Variants in CC2D2B observed in about 807,000 individuals in gnomAD.
The protein encoded by CC2D2B is coiled-coil and C2 domain containing 2B.
A neutral mutation model predicts 161.2 loss-of-function variants in CC2D2B; 128 were observed. That is an observed-to-expected ratio of 0.79 (90% CI 0.69 to 0.92). The LOEUF (loss-of-function observed/expected upper bound fraction) is 0.92. Among genes scored for constraint, CC2D2B ranks in the 40% least tolerant of loss-of-function variants. CC2D2B has a pLI of 0.00. For missense variants in CC2D2B, 1,173 were observed against 1,375.1 expected (o/e 0.85, Z 2.32); for synonymous variants, 391 against 449.8 (o/e 0.87, Z 1.65).
intron 24 of CC2D2B, among the ~76,000 whole-genome samples, chr10:96,002,298 C>T (rs1036190059): frequency 1.3e-5 from 2 of 151,996 alleles, no homozygotes; most frequent in African/African-American, 2.4e-5. Context: ...GATACAAGAC[C>T]CCAACTCCCC....
intron 2 of CC2D2B, among the ~76,000 whole-genome samples, chr10:95,913,058 C>T (rs1460895723): frequency 6.6e-6 from 1 of 151,966 alleles, no homozygotes; most frequent in Non-Finnish European, 1.5e-5. Context: ...AATACTAGAT[C>T]GTATTCATTG....
intron 26 of CC2D2B, among the ~76,000 whole-genome samples, chr10:96,011,872 T>A (rs1442238461): frequency 6.6e-6 from 1 of 152,162 alleles, no homozygotes; most frequent in African/African-American, 2.4e-5. Flanking sequence ...TCTTTTAACT[T>A]CTTCTCTGAG....
At position 95,974,054 on chromosome 10, in the gene CC2D2B, T is replaced by C. The variant is rs1297749664; in HGVS notation, c.1841T>C (p.Leu614Pro). ...LEGNGTEELCLLTSGKLSYSL... is the reference protein window; with the variant it reads ...LEGNGTEELCPLTSGKLSYSL... Reference sequence around the variant, plus strand: ...GGAAATGGAACTGAAGAACTCTGTCTTTTGACATCAGGAAAACTTAGCTAT... The same window carrying C: ...GGAAATGGAACTGAAGAACTCTGTCCTTTGACATCAGGAAAACTTAGCTAT... Residue 614 changes from leucine (L) to proline (P), a missense_variant, in exon 17 of 35, where the codon CTT (leucine) becomes CCT (proline). Transcript: ENST00000646931. 1.3e-5 allele frequency: 16 copies of C among 1,231,554 alleles called. No individual in the cohort carries two copies. The highest frequency in any genetic ancestry group is 1.6e-5 in the Non-Finnish European group (16 of 987,570). 76.3% of individuals were successfully genotyped at this position (1,231,554 alleles called of 1,614,324 possible).
chr10:96,027,320 A>G lies in CC2D2B; in HGVS notation c.4056A>G (p.Glu1352=). Reference sequence around the variant, plus strand: ...TGCGACAAATCCTTCCTAAGCTGGAATTTGGCATAGGAAGCTTTGTTTCAT... The same window carrying G: ...TGCGACAAATCCTTCCTAAGCTGGAGTTTGGCATAGGAAGCTTTGTTTCAT... ...FILRQILPKL[E]FGIGSFVSSE... is the part of the protein sequence containing the mutation. Residue 1352 remains glutamate, a synonymous_variant, in exon 34 of 35, where the codon GAA becomes GAG. Transcript: ENST00000646931. 1 of 1,551,214 alleles carries G rather than the reference A, an allele frequency of 6.4e-7. No individual in the cohort carries two copies. The highest frequency in any genetic ancestry group is 8.7e-7 in the Non-Finnish European group (1 of 1,146,718).
intron 9 of CC2D2B, among the ~76,000 whole-genome samples, chr10:95,939,439 A>G (rs1590457678): frequency 6.6e-6 from 1 of 152,076 alleles, no homozygotes; most frequent in African/African-American, 2.4e-5. Flanking sequence ...TAATAACACT[A>G]CCATGAAAAT....
intron 6 of CC2D2B, among the ~76,000 whole-genome samples, chr10:95,934,178 G>A (rs2075721549): frequency 1.3e-5 from 2 of 152,170 alleles, no homozygotes; most frequent in African/African-American, 4.8e-5. Flanking sequence ...TGTTTACACT[G>A]TAAGGGGAAA....
At chr10:95,962,125 T>C (rs1401153113) in intron 12 of CC2D2B, among the ~76,000 whole-genome samples, 156 bp downstream of exon 12, 1 of 151,782 alleles carries the variant, frequency 6.6e-6, no homozygotes, top group Non-Finnish European at 1.5e-5. Flanking sequence ...CATATATATA[T>C]ATATATATGC....
At chr10:95,975,811 A>C (rs2077292574) in intron 17 of CC2D2B, among the ~76,000 whole-genome samples, 2 of 152,224 alleles carry the variant, frequency 1.3e-5, no homozygotes. Context: ...TCATTTTAAG[A>C]GCAAATCTTA....
chr10:96,023,830 T>C (rs1360428207), intron 32 of CC2D2B, among the ~76,000 whole-genome samples: 1 of 152,182 alleles, frequency 6.6e-6, no homozygotes, highest in Non-Finnish European at 1.5e-5. Context: ...ACCCCCAGAG[T>C]TCCTGATTCA....
chr10:96,021,410 A>C (rs573496077), intron 32 of CC2D2B: 55 of 152,364 alleles, frequency 3.6e-4, no homozygotes, highest in African/African-American at 1.3e-3. Context: ...TAAAAGATGA[A>C]TGAACTGAGC....
At chr10:95,912,431 G>C (rs1056026503) in intron 2 of CC2D2B, among the ~76,000 whole-genome samples, 6 of 152,198 alleles carry the variant, frequency 3.9e-5, no homozygotes, top group Admixed American at 2.6e-4. Context: ...GAGAGTGAAG[G>C]CTGGAGACAC....
intron 9 of CC2D2B, among the ~76,000 whole-genome samples, chr10:95,941,193 G>A (rs374175409): frequency 3.7e-4 from 56 of 152,208 alleles, no homozygotes; most frequent in African/African-American, 1.3e-3. Flanking sequence ...ACATCAACTC[G>A]AGATGGAGTA....
chr10:95,932,875 G>A (rs1390926396), intron 6 of CC2D2B, among the ~76,000 whole-genome samples: 4 of 152,094 alleles, frequency 2.6e-5, no homozygotes, highest in Admixed American at 6.6e-5. Flanking sequence ...TGCTCTTCTC[G>A]AGGAGTATCT....
rs114860447 is a variant in CC2D2B at position 95,998,329 on chromosome 10, T to A, written c.2849+2077T>A. On this transcript the variant is annotated intron_variant, in intron 24 of 34. Coordinates refer to ENST00000646931, the MANE Select transcript of CC2D2B (RefSeq NM_001349008.3). ...CTCTTGGTGTTGTACATTCTATAGG[T>A]TTTGACAAATGTACAGTGACATGTA... is the stretch of plus-strand genomic sequence containing the variant. Among the ~76,000 whole-genome samples the A allele has an allele frequency of 5.8e-3, 885 of 152,244 alleles. 4 individuals are homozygous for A. The highest frequency in any genetic ancestry group is 0.02 in the African/African-American group (850 of 41,522).
At chr10:95,931,255 G>T (rs1284532717) in intron 6 of CC2D2B, among the ~76,000 whole-genome samples, 4 of 152,000 alleles carry the variant, frequency 2.6e-5, no homozygotes, top group African/African-American at 7.2e-5. Context: ...TTTTTATTGT[G>T]TCTATTTGAT....
At chr10:95,911,423 A>G in intron 2 of CC2D2B, 64 bp downstream of exon 2, 1 of 217,484 alleles carries the variant, frequency 4.6e-6, no homozygotes, top group East Asian at 1.1e-4. Flanking sequence ...TAAATGGGGG[A>G]TAATCCTGAT....
intron 30 of CC2D2B, among the ~76,000 whole-genome samples, chr10:96,017,765 TATAA>T (rs35257012): frequency 0.61 from 90,293 of 149,158 alleles, 27,647 homozygotes; most frequent in East Asian, 0.85. Flanking sequence ...ACCCCACCTC[TATAA>T]ATAAATAAAT....
chr10:95,964,314 T>A (rs1171027163), intron 12 of CC2D2B, among the ~76,000 whole-genome samples: 2 of 152,168 alleles, frequency 1.3e-5, no homozygotes, highest in East Asian at 3.8e-4. Flanking sequence ...TAACACTTAT[T>A]CCCCAAATTA....
intron 24 of CC2D2B, among the ~76,000 whole-genome samples, chr10:95,998,183 C>A (rs556376853): frequency 1.3e-5 from 2 of 152,052 alleles, no homozygotes; most frequent in South Asian, 4.2e-4. Flanking sequence ...AATGCCCTCA[C>A]CACAGCACAC....
Sources: gnomAD v4.1 joint callset for allele counts (sites outside exome capture counted in the v4.1 genomes callset) on GRCh38, gnomAD v4.1.1 for gene constraint, MANE v1.5 for transcripts, NCBI Gene and HGNC (gene_info 2026-07-23, HGNC 2026-07-21) for gene names.